Variants in HGF observed in about 807,000 individuals in gnomAD.
The protein encoded by HGF is hepatocyte growth factor, also known as fibroblast-derived tumor cytotoxic factor.
HGF carries 39 observed loss-of-function variants against 111.6 expected under a neutral mutation model. The observed-to-expected ratio is 0.35, with a 90% CI of 0.27 to 0.46. The LOEUF is 0.46. Among genes scored for constraint, HGF ranks in the 20% least tolerant of loss-of-function variants. The probability of loss-of-function intolerance (pLI) is 1.00; values close to 1 mark genes in which losing one functional copy is unlikely to be tolerated. For synonymous variants in HGF, 285 were observed against 294.8 expected, an observed-to-expected ratio of 0.97 and a Z score of 0.34; for missense variants, 735 against 910.5, an observed-to-expected ratio of 0.81 and a Z score of 2.48.
At chr7:81,769,110 G>T (rs1375907535) in intron 1 of HGF, among the ~76,000 whole-genome samples, 2 of 151,958 alleles carry the variant, frequency 1.3e-5, no homozygotes, top group Non-Finnish European at 2.9e-5. Flanking sequence ...ACAAAATACA[G>T]ATGTTTCCTC....
At chr7:81,743,909 G>A (rs1458868019) in intron 6 of HGF, among the ~76,000 whole-genome samples, 2 of 152,096 alleles carry the variant, frequency 1.3e-5, no homozygotes, top group Non-Finnish European at 2.9e-5. Context: ...AGCCCTTCGA[G>A]GTCATGCCCT....
chr7:81,756,161 G>A lies in HGF; in HGVS notation c.482+1028C>T. ...CAGGTTATAGAGTGATGGTGACTGG[G>A]CTTATATTCTGGCCATGTCACTTCC... On this transcript the variant is annotated intron_variant, in intron 4 of 17. Coordinates refer to ENST00000222390, the MANE Select transcript of HGF (RefSeq NM_000601.6). 7 of 627,926 alleles carry A rather than the reference G, an allele frequency of 1.1e-5. No individual in the cohort carries two copies. In the South Asian group the frequency reaches 1.3e-4, roughly 11 times the overall value. 38.9% of individuals were successfully genotyped at this position (627,926 alleles called of 1,614,324 possible).
rs894908363 is a variant in HGF at position 81,757,258 on chromosome 7, C to T, written c.413G>A (p.Gly138Glu). The stretch of plus-strand genomic sequence containing the variant: ...GCCACTCTTAGTGATAGATACTGTT[C>T]CCTTGTAGCTGCGTCCTTTACCAAT... ...CIIGKGRSYKGTVSITKSGIK... is the reference protein window; with the variant it reads ...CIIGKGRSYKETVSITKSGIK... Residue 138 changes from glycine to glutamate, a missense_variant, in exon 4 of 18, where the codon GGA (glycine) becomes GAA (glutamate). Around this residue, in one of 3 missense-constraint regions of HGF, gnomAD observed 553 missense variants for 685.6 expected, o/e 0.81. Coordinates refer to ENST00000222390, the MANE Select transcript of HGF (RefSeq NM_000601.6). 1 of 1,609,440 alleles carries T rather than the reference C, an allele frequency of 6.2e-7. No individual in the cohort carries two copies. Among genetic ancestry groups the T allele is most frequent in the Non-Finnish European group, 8.5e-7 (1 of 1,175,716 alleles).
chr7:81,764,670 A>T (rs1005378357), intron 1 of HGF, among the ~76,000 whole-genome samples: 2 of 152,116 alleles, frequency 1.3e-5, no homozygotes, highest in East Asian at 3.9e-4. Flanking sequence ...TTGGATTTTT[A>T]AAAATGTTAT....
intron 4 of HGF, chr7:81,756,220 T>C (rs1788763278): frequency 5.3e-6 from 3 of 570,180 alleles, no homozygotes; most frequent in Non-Finnish European, 3.1e-6. Flanking sequence ...TTACTAAGTG[T>C]TTTTATGCTT....
At chr7:81,744,382 G>A (rs1788142479) in intron 6 of HGF, among the ~76,000 whole-genome samples, 2 of 150,656 alleles carry the variant, frequency 1.3e-5, no homozygotes, top group African/African-American at 4.9e-5. Context: ...TAGATTAGTT[G>A]CCTGACTTCT....
chr7:81,723,571 T>G (rs1013645691), intron 9 of HGF, among the ~76,000 whole-genome samples: 2 of 151,188 alleles, frequency 1.3e-5, no homozygotes, highest in African/African-American at 4.8e-5. Flanking sequence ...GTATACAATA[T>G]ATAGTATATA....
chr7:81,730,674 G>A (rs1345284396), intron 7 of HGF, among the ~76,000 whole-genome samples: 1 of 151,960 alleles, frequency 6.6e-6, no homozygotes. Flanking sequence ...ACCACAATTT[G>A]GTCTCTCTCT....
chr7:81,743,354 G>T lies in HGF; in HGVS notation c.864C>A (p.Cys288Ter), dbSNP rs374136304. 4 of 1,564,370 alleles carry T rather than the reference G, an allele frequency of 2.6e-6. No homozygotes were observed. The highest frequency in any genetic ancestry group is 2.2e-5 in the East Asian group (1 of 44,644). ...TRWEYCAIKT[C>*]ADNTMNDTDV... Reference sequence around the variant, plus strand: ...GCAATAAATTTGACCTTCACTTACCGCATGTTTTAATTGCACAGTACTCCC... The same window carrying T: ...GCAATAAATTTGACCTTCACTTACCTCATGTTTTAATTGCACAGTACTCCC... The change falls in exon 7 of 18, where the codon TGC becomes TGA. Residue 288 changes from cysteine to a stop codon, truncating the protein, a stop_gained and splice_region_variant. Coordinates refer to ENST00000222390, the MANE Select transcript of HGF (RefSeq NM_000601.6). LOFTEE classifies it high-confidence loss of function.
chr7:81,706,330 A>G lies in HGF; in HGVS notation c.1714T>C (p.Tyr572His). The G allele has an allele frequency of 6.2e-7, 1 of 1,612,724 alleles. No homozygotes were observed. Among genetic ancestry groups the G allele is most frequent in the Non-Finnish European group, 8.5e-7 (1 of 1,179,034 alleles). ...KQVLNVSQLV[Y>H]GPEGSDLVLM... is the part of the protein sequence containing the mutation. The stretch of plus-strand genomic sequence containing the variant: ...ACCAGATCTGATCCTTCAGGGCCAT[A>G]TACCAGCTGGGAAACATTGAGAACC... Residue 572 changes from tyrosine (Y) to histidine (H), a missense_variant, in exon 15 of 18, where the codon TAT (tyrosine) becomes CAT (histidine). Coordinates refer to ENST00000222390, the MANE Select transcript of HGF (RefSeq NM_000601.6).
At chr7:81,729,809 A>T (rs1329055410) in intron 7 of HGF, 30 bp from the exon 8 acceptor site, 1 of 1,215,464 alleles carries the variant, frequency 8.2e-7, no homozygotes, top group African/African-American at 1.6e-5. Flanking sequence ...ACAAAAAAAA[A>T]CTTATATAAA....
chr7:81,706,929 G>C (rs1789442097), intron 14 of HGF, among the ~76,000 whole-genome samples: 1 of 151,524 alleles, frequency 6.6e-6, no homozygotes, highest in Non-Finnish European at 1.5e-5. Context: ...TGACTCTACA[G>C]GAGAAAGAAG....
chr7:81,728,381 G>A (rs1027649512), intron 8 of HGF, among the ~76,000 whole-genome samples: 7 of 152,112 alleles, frequency 4.6e-5, no homozygotes, highest in African/African-American at 1.7e-4. Context: ...ATTTCACTAG[G>A]TATCTTTACG....
rs892926914 is a variant in HGF at position 81,762,791 on chromosome 7, A to G, written c.170T>C (p.Leu57Pro). The change falls in exon 2 of 18, where the codon CTG becomes CCG. Residue 57 changes from leucine to proline, a missense_variant. Around this residue, in one of 3 missense-constraint regions of HGF, gnomAD observed 553 missense variants for 685.6 expected, o/e 0.81. Transcript: ENST00000222390. ...KTTLIKIDPALKIKTKKVNTA... is the reference protein window; with the variant it reads ...KTTLIKIDPAPKIKTKKVNTA... ...ATTCACTTTTTTGGTTTTTATCTTC[A>G]GTGCTGGATCTATTTTGATTAGGGT... is the stretch of plus-strand genomic sequence containing the variant. 1.2e-6 allele frequency: 2 copies of G among 1,606,308 alleles called. No individual in the cohort carries two copies. The highest frequency in any genetic ancestry group is 1.3e-5 in the African/African-American group (1 of 74,750).
Position 81,722,845 on chromosome 7 carries a change from G to GTATATATATATATATA in HGF, c.1169-2014_1169-1999dup, listed in dbSNP as rs144391393. 4.5e-3 allele frequency among the ~76,000 whole-genome samples: 596 copies of GTATATATATATATATA among 132,550 alleles called. 12 individuals carry two copies. The highest frequency in any genetic ancestry group is 0.018 in the African/African-American group (560 of 30,562). 87.0% of individuals were successfully genotyped at this position (132,550 alleles called of 152,430 possible). ...AAAAAAAAAAAAGAAATTTAAAAAG[G>GTATATATATATATATA]TATATATATATATATATGTTGCATT... On this transcript the variant is annotated intron_variant, in intron 9 of 17. Transcript: ENST00000222390.
intron 4 of HGF, among the ~76,000 whole-genome samples, chr7:81,753,616 G>A (rs180797808): frequency 1.3e-5 from 2 of 152,094 alleles, no homozygotes; most frequent in East Asian, 3.9e-4. Flanking sequence ...TGACATGAGT[G>A]TATTCTAGAG....
At position 81,767,280 on chromosome 7, in the gene HGF, A is replaced by G. The variant is rs995390482; in HGVS notation, c.88+2604T>C. 7.3e-5 allele frequency among the ~76,000 whole-genome samples: 11 copies of G among 151,396 alleles called. 1 individual carries two copies. The highest frequency in any genetic ancestry group is 5.9e-4 in the Admixed American group (9 of 15,226). On this transcript the variant is annotated intron_variant, in intron 1 of 17. Transcript: ENST00000222390. ...GTTGATTTCACTGCTGCTCGCTTCA[A>G]TATAAATGAAAAAAGAAAAAAAAAA...
At position 81,744,779 on chromosome 7, in the gene HGF, T is replaced by C. The variant is rs1477879329; in HGVS notation, c.746+221A>G. ...GTTGGCTATGTAGTCAGTGTTCTCA[T>C]GTACCTCATCATAAATCTTTTTGCC... On this transcript the variant is annotated intron_variant, in intron 6 of 17. Coordinates refer to ENST00000222390, the MANE Select transcript of HGF (RefSeq NM_000601.6). 3.9e-5 allele frequency among the ~76,000 whole-genome samples: 6 copies of C among 152,184 alleles called. No homozygotes were observed. In the East Asian group the frequency reaches 1.2e-3, roughly 29 times the overall value.
intron 6 of HGF, among the ~76,000 whole-genome samples, chr7:81,744,679 CT>C (rs888257477): frequency 6.6e-6 from 1 of 152,154 alleles, no homozygotes; most frequent in Non-Finnish European, 1.5e-5. Context: ...AAAGAAGCTT[CT>C]TTTTGTGCTT....
Sources: gnomAD v4.1 joint callset for allele counts (sites outside exome capture counted in the v4.1 genomes callset) on GRCh38, gnomAD v4.1.1 for gene constraint, gnomAD v4.1.1 regional missense constraint, MANE v1.5 for transcripts, NCBI Gene and HGNC (gene_info 2026-07-23, HGNC 2026-07-21) for gene names.